Variants in IGF2R observed in about 807,000 individuals in gnomAD.
The protein encoded by IGF2R is cation-independent mannose-6-phosphate receptor.
A neutral mutation model predicts 270.6 loss-of-function variants in IGF2R; 91 were observed. That is an observed-to-expected ratio of 0.34 (90% CI 0.28 to 0.40). The LOEUF (loss-of-function observed/expected upper bound fraction) is 0.40. IGF2R is among the 10% of genes least tolerant of loss of function. The pLI is 1.00. For synonymous variants in IGF2R, 1,316 were observed against 1,258.9 expected (o/e 1.05, Z -0.96); for missense variants, 2,805 against 3,188.3 (o/e 0.88, Z 2.90).
chr6:160,031,143 G>C (rs1055984023), intron 7 of IGF2R, among the ~76,000 whole-genome samples: 8 of 152,228 alleles, frequency 5.3e-5, no homozygotes, highest in African/African-American at 1.7e-4. Flanking sequence ...CACCGGCCAG[G>C]TTTCTTTTCA....
In IGF2R at chr6:160,050,509, G is replaced by C; in HGVS notation, c.2551G>C (p.Gly851Arg). 6.2e-7 allele frequency: 1 copy of C among 1,613,592 alleles called. No homozygotes were observed. Among genetic ancestry groups the C allele is most frequent in the Admixed American group, 1.7e-5 (1 of 60,006 alleles). ...FTEVVSISNL[G>R]MAKTGPVVED... ...TGAAGTGGTTTCCATCAGTAACTTGGGAATGGCAAAGACCGGCCCGGTGGT... is the reference window on the plus strand; with the variant it reads ...TGAAGTGGTTTCCATCAGTAACTTGCGAATGGCAAAGACCGGCCCGGTGGT... The change falls in exon 19 of 48, where the codon GGA becomes CGA. Residue 851 changes from glycine (G) to arginine (R), a missense_variant. By Grantham distance (125) the Gly-to-Arg change is moderately radical (BLOSUM62 -2). Around this residue, in one of 2 missense-constraint regions of IGF2R, gnomAD observed 1,851 missense variants for 2,207.2 expected, o/e 0.84. Transcript: ENST00000356956. The surrounding 1 kb of genome is among the most constrained non-coding windows in gnomAD (Gnocchi z 4.0).
intron 14 of IGF2R, 56 bp from the exon 15 acceptor site, chr6:160,046,442 C>T: frequency 6.5e-7 from 1 of 1,531,854 alleles, no homozygotes; most frequent in Non-Finnish European, 8.8e-7. Context: ...GGTGAGACCA[C>T]TCTGTTAACT....
intron 17 of IGF2R, 147 bp from the exon 18 acceptor site, chr6:160,048,228 C>A: frequency 1.3e-6 from 1 of 763,410 alleles, no homozygotes; most frequent in Non-Finnish European, 2.2e-6. Context: ...CCTGGTGCGT[C>A]ATGCGCCCAG....
intron 1 of IGF2R, among the ~76,000 whole-genome samples, chr6:159,987,016 C>T (rs1161548159): frequency 6.6e-6 from 1 of 152,122 alleles, no homozygotes; most frequent in African/African-American, 2.4e-5. Context: ...AATTTTATTG[C>T]TTCTGAAACC....
Position 160,051,812 on chromosome 6 carries a change from T to A in IGF2R, c.2694+1160T>A, listed in dbSNP as rs895868987. ...CATCTACAAAAAATTTAAAAAAAAA[T>A]TTAGCCAAGTGTGGTGGCTCATGCC... is the stretch of plus-strand genomic sequence containing the variant. On this transcript the variant is annotated intron_variant, in intron 19 of 47. Coordinates refer to ENST00000356956, the MANE Select transcript of IGF2R (RefSeq NM_000876.4). Among the ~76,000 whole-genome samples the A allele has an allele frequency of 1.9e-4, 29 of 151,656 alleles. 1 individual carries two copies. Among genetic ancestry groups the A allele is most frequent in the African/African-American group, 5.8e-4 (24 of 41,240 alleles).
rs939293106 is a variant in IGF2R at position 160,050,497 on chromosome 6, A to T, written c.2539A>T (p.Ile847Phe). ...DQGSFTEVVS[I>F]SNLGMAKTGP... Reference sequence around the variant, plus strand: ...GGGCTCCTTCACTGAAGTGGTTTCCATCAGTAACTTGGGAATGGCAAAGAC... The same window carrying T: ...GGGCTCCTTCACTGAAGTGGTTTCCTTCAGTAACTTGGGAATGGCAAAGAC... The change falls in exon 19 of 48, where the codon ATC (isoleucine) becomes TTC (phenylalanine). Residue 847 changes from isoleucine to phenylalanine, a missense_variant. By Grantham distance (21) the Ile-to-Phe change is conservative (BLOSUM62 0). Coordinates refer to ENST00000356956, the MANE Select transcript of IGF2R (RefSeq NM_000876.4). The surrounding 1 kb of genome is among the most constrained non-coding windows in gnomAD (Gnocchi z 4.0). 1 of 1,613,202 alleles carries T rather than the reference A, an allele frequency of 6.2e-7. No homozygotes were observed. The highest frequency in any genetic ancestry group is 8.5e-7 in the Non-Finnish European group (1 of 1,179,192).
At position 159,991,182 on chromosome 6, in the gene IGF2R, A is replaced by T. The variant is rs1439843017; in HGVS notation, c.150-2A>T. ...TGACAAGTTGTTTTTCTTCCTTTCCAGTTATACATGGGAAGCTGTTGATAC... is the reference window on the plus strand; with the variant it reads ...TGACAAGTTGTTTTTCTTCCTTTCCTGTTATACATGGGAAGCTGTTGATAC... On this transcript the variant is annotated splice_acceptor_variant, in intron 1 of 47. Coordinates refer to ENST00000356956, the MANE Select transcript of IGF2R (RefSeq NM_000876.4). LOFTEE classifies it high-confidence loss of function. The T allele has an allele frequency of 6.2e-7, 1 of 1,602,188 alleles. No individual in the cohort carries two copies. The highest frequency in any genetic ancestry group is 8.5e-7 in the Non-Finnish European group (1 of 1,174,528).
chr6:160,082,702 C>T (rs188990911), intron 39 of IGF2R, among the ~76,000 whole-genome samples: 94 of 152,258 alleles, frequency 6.2e-4, no homozygotes, highest in Non-Finnish European at 6.5e-4. Flanking sequence ...TTAAGAAGTA[C>T]GATGAAAGGC....
At chr6:159,988,512 C>CAAA (rs59531292) in intron 1 of IGF2R, among the ~76,000 whole-genome samples, 20 of 50,458 alleles carry the variant, frequency 4.0e-4, no homozygotes, top group East Asian at 8.3e-4. Flanking sequence ...GACTCCGTCT[C>CAAA]AAAAAAAAAA....
At position 160,089,206 on chromosome 6, in the gene IGF2R, C is replaced by G; in HGVS notation, c.6420C>G (p.Thr2140=). Residue 2140 remains threonine (T), a synonymous_variant, in exon 43 of 48, where the codon ACC becomes ACG. Transcript: ENST00000356956. ...TGCAGATGGTGAATGGGACCATCAC[C>G]AACCCTATAAATGGCAAGAGCTTCA... ...QEVQMVNGTI[T]NPINGKSFSL... is the part of the protein sequence containing the mutation. 6.2e-7 allele frequency: 1 copy of G among 1,613,518 alleles called. No homozygotes were observed. The highest frequency in any genetic ancestry group is 8.5e-7 in the Non-Finnish European group (1 of 1,179,544).
chr6:159,996,057 C>A (rs948364730), intron 2 of IGF2R, among the ~76,000 whole-genome samples: 14 of 151,606 alleles, frequency 9.2e-5, no homozygotes, highest in Admixed American at 6.6e-5. Context: ...TGTTTGACTT[C>A]AGTTCTGGGT....
chr6:160,060,536 T>C lies in IGF2R; in HGVS notation c.3092-11T>C, dbSNP rs369475091. On this transcript the variant is annotated splice_polypyrimidine_tract_variant and intron_variant, in intron 22 of 47. Transcript: ENST00000356956. ...TCTGTCTCTTAAAATCTGGGCCTTC[T>C]TGCTTTACAGGTACCGCTGATGCTT... 6.2e-7 allele frequency: 1 copy of C among 1,613,906 alleles called. No homozygotes were observed. The highest frequency in any genetic ancestry group is 8.5e-7 in the Non-Finnish European group (1 of 1,179,870).
At chr6:159,970,131 A>C (rs1025612939) in intron 1 of IGF2R, among the ~76,000 whole-genome samples, 1 of 151,970 alleles carries the variant, frequency 6.6e-6, no homozygotes, top group African/African-American at 2.4e-5. Flanking sequence ...TCTGGGAACC[A>C]TGATTGTATA....
chr6:160,031,823 C>T (rs1054907746), intron 7 of IGF2R, among the ~76,000 whole-genome samples: 2 of 152,164 alleles, frequency 1.3e-5, no homozygotes, highest in Admixed American at 6.5e-5. Flanking sequence ...ACGGCTATGC[C>T]CGGTGCTAAG....
chr6:160,072,313 A>G (rs1778759739), intron 32 of IGF2R, among the ~76,000 whole-genome samples: 1 of 152,056 alleles, frequency 6.6e-6, no homozygotes, highest in South Asian at 2.1e-4. Flanking sequence ...GGTTACTGAC[A>G]GTGTCAGTCC....
At chr6:159,969,570 G>A (rs1783576165) in intron 1 of IGF2R, among the ~76,000 whole-genome samples, 175 bp downstream of exon 1, 1 of 152,008 alleles carries the variant, frequency 6.6e-6, no homozygotes, top group African/African-American at 2.4e-5. Flanking sequence ...GAGTCCCGCC[G>A]GGTCCCGTGC....
chr6:160,089,170 G>A lies in IGF2R; in HGVS notation c.6384G>A (p.Lys2128=). The A allele has an allele frequency of 6.2e-7, 1 of 1,614,102 alleles. No individual in the cohort carries two copies. Among genetic ancestry groups the A allele is most frequent in the African/African-American group, 1.3e-5 (1 of 75,052 alleles). The change falls in exon 43 of 48, where the codon AAG becomes AAA. Residue 2128 remains lysine, a synonymous_variant. Coordinates refer to ENST00000356956, the MANE Select transcript of IGF2R (RefSeq NM_000876.4). ...SWDSRAACAV[K]PQEVQMVNGT... is the part of the protein sequence containing the mutation. ...ACTCCCGGGCTGCCTGCGCCGTGAAGCCTCAGGAGGTGCAGATGGTGAATG... is the reference window on the plus strand; with the variant it reads ...ACTCCCGGGCTGCCTGCGCCGTGAAACCTCAGGAGGTGCAGATGGTGAATG...
At chr6:160,079,822 C>A in intron 38 of IGF2R, 35 bp downstream of exon 38, 2 of 1,438,088 alleles carry the variant, frequency 1.4e-6, no homozygotes, top group Non-Finnish European at 1.8e-6. Flanking sequence ...AAACTTCAAG[C>A]TCATAGTAAA....
At chr6:160,025,081 T>G (rs1029001939) in intron 5 of IGF2R, among the ~76,000 whole-genome samples, 1 of 152,192 alleles carries the variant, frequency 6.6e-6, no homozygotes, top group Non-Finnish European at 1.5e-5. Context: ...ATCAAGGACT[T>G]GGGTACTTGG....
Sources: gnomAD v4.1 joint callset for allele counts (sites outside exome capture counted in the v4.1 genomes callset) on GRCh38, gnomAD v4.1.1 for gene constraint, gnomAD v4.1.1 regional missense constraint, Gnocchi (gnomAD v3.1) non-coding constraint, MANE v1.5 for transcripts, NCBI Gene and HGNC (gene_info 2026-07-23, HGNC 2026-07-21) for gene names.